Variants in WDR5 observed in about 807,000 individuals in gnomAD.
The protein encoded by WDR5 is WD repeat-containing protein 5.
For missense variants in WDR5, 187 were observed against 416.9 expected (o/e 0.45, Z 4.80); for synonymous variants, 144 against 161.6 (o/e 0.89, Z 0.83).
intron 7 of WDR5, 38 bp downstream of exon 7, chr9:134,142,757 C>T: frequency 6.2e-7 from 1 of 1,600,678 alleles, no homozygotes; most frequent in South Asian, 1.1e-5. Context: ...GTGTCCAGCA[C>T]TACGTTTCTC....
intron 1 of WDR5, among the ~76,000 whole-genome samples, chr9:134,139,604 T>C (rs1831769016): frequency 6.6e-6 from 1 of 152,110 alleles, no homozygotes; most frequent in Non-Finnish European, 1.5e-5. Flanking sequence ...TTCATTATGA[T>C]GACAAAAGGG....
rs140708390 is a variant in WDR5, at chr9:134,154,527, C to T, written c.693C>T (p.Ala231=). 5.6e-4 allele frequency: 898 copies of T among 1,614,166 alleles called. 4 individuals are homozygous for T. Among genetic ancestry groups the T allele is most frequent in the African/African-American group, 2.6e-3 (197 of 75,056 alleles). ...KFSPNGKYIL[A]ATLDNTLKLW... Reference sequence around the variant, plus strand: ...CCCCGAACGGCAAATACATCCTGGCCGCCACGCTGGACAAGTGAGTACTGC... The same window carrying T: ...CCCCGAACGGCAAATACATCCTGGCTGCCACGCTGGACAAGTGAGTACTGC... The change falls in exon 10 of 14, where the codon GCC becomes GCT. Residue 231 remains alanine (A), a synonymous_variant. Transcript: ENST00000358625.
intron 8 of WDR5, among the ~76,000 whole-genome samples, chr9:134,149,995 T>A (rs1040111045): frequency 6.6e-6 from 1 of 152,226 alleles, no homozygotes; most frequent in Non-Finnish European, 1.5e-5. Context: ...ATGTCCCCTG[T>A]GACTTTGTAT....
intron 5 of WDR5, 78 bp downstream of exon 5, chr9:134,142,116 G>A (rs1564189461): frequency 8.0e-7 from 1 of 1,247,782 alleles, no homozygotes; most frequent in Non-Finnish European, 1.1e-6. Flanking sequence ...TGAGTTGACT[G>A]CTCAGTAAGC....
chr9:134,155,523 T>A, intron 11 of WDR5, 150 bp downstream of exon 11: 2 of 1,297,364 alleles, frequency 1.5e-6, no homozygotes, highest in Non-Finnish European at 2.1e-6. Context: ...AAGACCTGGG[T>A]ATTTGTAGGG....
intron 9 of WDR5, among the ~76,000 whole-genome samples, chr9:134,153,475 G>A (rs1040831487): frequency 4.6e-5 from 7 of 152,244 alleles, no homozygotes; most frequent in African/African-American, 1.7e-4. Flanking sequence ...TTAGGCATGC[G>A]GACACGCTTG....
intron 11 of WDR5, 146 bp from the exon 12 acceptor site, chr9:134,155,547 G>T: frequency 1.6e-6 from 2 of 1,252,006 alleles, no homozygotes; most frequent in Non-Finnish European, 2.2e-6. Context: ...CAGTCTGCAA[G>T]TTAAATCTTC....
chr9:134,148,010 A>T (rs28657551), intron 7 of WDR5, among the ~76,000 whole-genome samples: 3,757 of 151,984 alleles, frequency 0.025, 157 homozygotes, highest in African/African-American at 0.085. Flanking sequence ...TATATATATA[A>T]AAATTAGCTG....
At chr9:134,151,015 G>T (rs1478168876) in intron 8 of WDR5, among the ~76,000 whole-genome samples, 2 of 152,210 alleles carry the variant, frequency 1.3e-5, no homozygotes, top group East Asian at 3.8e-4. Flanking sequence ...ACACACGGGG[G>T]TTAGGTCTTG....
At chr9:134,154,592 A>C in intron 10 of WDR5, 51 bp downstream of exon 10, 1 of 1,591,690 alleles carries the variant, frequency 6.3e-7, no homozygotes, top group Non-Finnish European at 8.6e-7. Flanking sequence ...CCCCAGCCAG[A>C]GACACCTGCG....
At position 134,155,468 on chromosome 9, in the gene WDR5, G is replaced by C. The variant is rs947279275; in HGVS notation, c.741+95G>C. 3.4e-6 allele frequency: 5 copies of C among 1,477,032 alleles called. No homozygotes were observed. The African/African-American group carries it at 7.1e-5, about 21-fold the overall frequency. The allele number at this position is 1,477,032 out of a possible 1,614,324, so 91.5% of individuals were successfully genotyped here. A position where few individuals can be genotyped will look rare whatever the true frequency, so the allele number is the denominator to read the frequency against. ...CTGGCCCCGGTGATGACAAAGGAGAGGAGCTCAGAGAGCCATCTCCGCTGG... is the reference window on the plus strand; with the variant it reads ...CTGGCCCCGGTGATGACAAAGGAGACGAGCTCAGAGAGCCATCTCCGCTGG... On this transcript the variant is annotated intron_variant, in intron 11 of 13. Coordinates refer to ENST00000358625, the MANE Select transcript of WDR5 (RefSeq NM_017588.3).
chr9:134,149,951 G>C (rs1832411079), intron 8 of WDR5, among the ~76,000 whole-genome samples: 1 of 152,188 alleles, frequency 6.6e-6, no homozygotes, highest in African/African-American at 2.4e-5. Flanking sequence ...CCGCTGAAGA[G>C]GCTGGAAAAG....
intron 8 of WDR5, among the ~76,000 whole-genome samples, chr9:134,149,010 T>C (rs888346856): frequency 6.6e-6 from 1 of 152,140 alleles, no homozygotes; most frequent in Non-Finnish European, 1.5e-5. Context: ...GCTGTTCAGA[T>C]TGGTCACTGG....
chr9:134,155,598 GAAGT>G, intron 11 of WDR5, 91 bp from the exon 12 acceptor site: 2 of 1,371,552 alleles, frequency 1.5e-6, no homozygotes, highest in Non-Finnish European at 2.0e-6. Flanking sequence ...AGAAATAAGT[GAAGT>G]GAGTAGTGAA....
chr9:134,156,744 T>C (rs1412164117), intron 13 of WDR5, 151 bp downstream of exon 13: 3 of 732,210 alleles, frequency 4.1e-6, no homozygotes, highest in Non-Finnish European at 6.7e-6. Flanking sequence ...TGCTAAGAGC[T>C]CTTGCCCAAG....
rs749039199 is a variant in WDR5, at chr9:134,156,559, G to A, written c.870G>A (p.Thr290=). ...TTGTTTACATCTGGAACCTTCAGACGAAAGAGATTGTACAGAAACTACAAG... is the reference window on the plus strand; with the variant it reads ...TTGTTTACATCTGGAACCTTCAGACAAAAGAGATTGTACAGAAACTACAAG... ...DNLVYIWNLQ[T]KEIVQKLQGH... The change falls in exon 13 of 14, where the codon ACG becomes ACA. Residue 290 remains threonine, a synonymous_variant. Transcript: ENST00000358625. 8.1e-6 allele frequency: 13 copies of A among 1,614,092 alleles called. No homozygotes were observed. The highest frequency in any genetic ancestry group is 6.6e-5 in the South Asian group (6 of 91,086).
chr9:134,155,466 G>A (rs1832706114), intron 11 of WDR5, 93 bp downstream of exon 11: 4 of 1,482,472 alleles, frequency 2.7e-6, no homozygotes, highest in African/African-American at 1.4e-5. Context: ...TGACAAAGGA[G>A]AGGAGCTCAG....
Position 134,157,919 on chromosome 9 carries a change from C to A in WDR5, c.931C>A (p.Pro311Thr). 6.2e-7 allele frequency: 1 copy of A among 1,614,150 alleles called. No homozygotes were observed. The highest frequency in any genetic ancestry group is 1.3e-5 in the African/African-American group (1 of 75,044). Residue 311 changes from proline (P) to threonine (T), a missense_variant, in exon 14 of 14, where the codon CCA becomes ACA. Transcript: ENST00000358625. The surrounding 1 kb of genome is among the most constrained non-coding windows in gnomAD (Gnocchi z 5.0). ...TDVVISTACH[P>T]TENIIASAAL... ...TGTCGTGATCTCAACAGCTTGTCACCCAACAGAAAACATCATCGCCTCTGC... is the reference window on the plus strand; with the variant it reads ...TGTCGTGATCTCAACAGCTTGTCACACAACAGAAAACATCATCGCCTCTGC...
At chr9:134,151,876 A>G in intron 8 of WDR5, 107 bp from the exon 9 acceptor site, 1 of 1,138,286 alleles carries the variant, frequency 8.8e-7, no homozygotes, top group Non-Finnish European at 1.3e-6. Context: ...CTTTTAAAAA[A>G]AGATAGGGAA....
Sources: allele counts gnomAD v4.1 joint callset (sites outside exome capture counted in the v4.1 genomes callset), GRCh38; gene constraint gnomAD v4.1.1; non-coding constraint Gnocchi (gnomAD v3.1); transcripts MANE v1.5; gene names NCBI Gene and HGNC (gene_info 2026-07-23, HGNC 2026-07-21).